The following STAG3 variants were observed in gnomAD, a reference collection of about 807,000 sequenced individuals.
The protein encoded by STAG3 is cohesin subunit SA-3.
In STAG3, 101 loss-of-function variants were observed where a neutral mutation model predicts 160.7. The observed-to-expected ratio is 0.63, with a 90% CI of 0.54 to 0.74. STAG3 has a LOEUF of 0.74. STAG3 is among the 30% of genes least tolerant of loss of function. STAG3 has a pLI of 0.00. For synonymous variants in STAG3, 519 were observed against 585.0 expected, an observed-to-expected ratio of 0.89 and a Z score of 1.63; for missense variants, 1,188 against 1,517.4, an observed-to-expected ratio of 0.78 and a Z score of 3.61.
chr7:100,212,054 T>C, intron 32 of STAG3, 178 bp downstream of exon 32: 1 of 548,402 alleles, frequency 1.8e-6, no homozygotes, highest in Non-Finnish European at 3.2e-6. Flanking sequence ...TCTACTTTTA[T>C]TAAAGAATAA....
Position 100,197,768 on chromosome 7 carries a change from T to C in STAG3, c.1066-10T>C, listed in dbSNP as rs1280349528. 6.2e-7 allele frequency: 1 copy of C among 1,611,228 alleles called. No homozygotes were observed. Among genetic ancestry groups the C allele is most frequent in the Non-Finnish European group, 8.5e-7 (1 of 1,177,576 alleles). On this transcript the variant is annotated splice_polypyrimidine_tract_variant and intron_variant, in intron 10 of 33. Coordinates refer to ENST00000615138, the MANE Select transcript of STAG3 (RefSeq NM_001282717.2). ...TTATTTCCATTCTCCTGGTTTTCCC[T>C]CCTCACCAGCACCGAGAAGTCCGCC...
chr7:100,182,856 C>G lies in STAG3; in HGVS notation c.336+17C>G, dbSNP rs1799739662. Reference sequence around the variant, plus strand: ...GACATGCAGGTAAAGCAGTGTCTCACCTCTGTTGATACCATCTCACTTTTT... The same window carrying G: ...GACATGCAGGTAAAGCAGTGTCTCAGCTCTGTTGATACCATCTCACTTTTT... On this transcript the variant is annotated intron_variant, in intron 4 of 33. Coordinates refer to ENST00000615138, the MANE Select transcript of STAG3 (RefSeq NM_001282717.2). The G allele has an allele frequency of 6.2e-7, 1 of 1,613,610 alleles. No homozygotes were observed. The highest frequency in any genetic ancestry group is 2.2e-5 in the East Asian group (1 of 44,886).
At chr7:100,202,623 G>C (rs758477231) in intron 25 of STAG3, 33 bp downstream of exon 25, 55 of 1,598,984 alleles carry the variant, frequency 3.4e-5, no homozygotes, top group Non-Finnish European at 4.6e-5. Flanking sequence ...TAAAAGAGAA[G>C]GGAGCAAGTT....
chr7:100,184,469 T>TTTG (rs1319307799), intron 4 of STAG3, among the ~76,000 whole-genome samples: 1 of 138,086 alleles, frequency 7.2e-6, no homozygotes, highest in Non-Finnish European at 1.6e-5. Context: ...GTTAGTTTTT[T>TTTG]TTTTTTTTTT....
chr7:100,216,583 G>A (rs1226860236), downstream of STAG3, among the ~76,000 whole-genome samples: 9 of 151,982 alleles, frequency 5.9e-5, no homozygotes, highest in South Asian at 4.2e-4. Context: ...GGCAGATCAC[G>A]AGGTCAAGAG....
chr7:100,189,006 C>T lies in STAG3; in HGVS notation c.705C>T (p.Ser235=). The change falls in exon 7 of 34, where the codon AGC becomes AGT. Residue 235 remains serine, a synonymous_variant. Transcript: ENST00000615138. ...AAGTCCGCGCCTTCCGTCACACTAG[C>T]ACCCTGGCTGGTGAGCATTCATTTT... The part of the protein sequence containing the change: ...DSQVRAFRHT[S]TLAAMKLMTS... 1.2e-6 allele frequency: 2 copies of T among 1,614,192 alleles called. No homozygotes were observed. Among genetic ancestry groups the T allele is most frequent in the Non-Finnish European group, 1.7e-6 (2 of 1,180,046 alleles).
Position 100,204,759 on chromosome 7 carries a change from G to T in STAG3, c.2935G>T (p.Val979Leu). 6.2e-7 allele frequency: 1 copy of T among 1,613,660 alleles called. No individual in the cohort carries two copies. The highest frequency in any genetic ancestry group is 8.5e-7 in the Non-Finnish European group (1 of 1,179,896). ...GPQQLQNRDL[V>L]VMLHKEGIQF... ...CCAGCAGCTGCAGAACCGTGACCTC[G>T]TGGTCATGCTACACAAGTAGGAAGT... The change falls in exon 27 of 34, where the codon GTG becomes TTG. Residue 979 changes from valine (V) to leucine (L), a missense_variant. Coordinates refer to ENST00000615138, the MANE Select transcript of STAG3 (RefSeq NM_001282717.2).
chr7:100,200,158 T>C, intron 16 of STAG3, 78 bp from the exon 17 acceptor site: 1 of 1,042,692 alleles, frequency 9.6e-7, no homozygotes, highest in East Asian at 2.6e-5. Flanking sequence ...GATAAGGTCA[T>C]GGGGAGGAGG....
At chr7:100,211,322 GT>G in intron 30 of STAG3, 112 bp from the exon 31 acceptor site, 1 of 1,481,302 alleles carries the variant, frequency 6.8e-7, no homozygotes, top group South Asian at 1.2e-5. Context: ...CTTCTCCATT[GT>G]TTAGCTTTAA....
intron 29 of STAG3, among the ~76,000 whole-genome samples, chr7:100,210,048 C>CATG (rs1271949733): frequency 2.0e-5 from 3 of 152,138 alleles, no homozygotes; most frequent in Non-Finnish European, 4.4e-5. Context: ...TATTTAAGGA[C>CATG]ATGAACGTGA....
At chr7:100,205,718 T>C (rs570666340) in intron 29 of STAG3, among the ~76,000 whole-genome samples, 199 of 151,444 alleles carry the variant, frequency 1.3e-3, no homozygotes, top group African/African-American at 4.7e-3. Context: ...TAATCCCAAC[T>C]ACTCAGGAGG....
At chr7:100,194,938 T>C (rs1800582497) in intron 8 of STAG3, among the ~76,000 whole-genome samples, 1 of 152,194 alleles carries the variant, frequency 6.6e-6, no homozygotes, top group Admixed American at 6.5e-5. Context: ...AAAATGGCAC[T>C]GATAGGTATG....
At chr7:100,199,442 C>T in intron 15 of STAG3, 75 bp downstream of exon 15, 1 of 1,552,788 alleles carries the variant, frequency 6.4e-7, no homozygotes, top group Non-Finnish European at 8.9e-7. Flanking sequence ...GCTTGCTTCA[C>T]TTGTACAAGG....
chr7:100,182,675 A>T (rs746579506), intron 3 of STAG3, 48 bp from the exon 4 acceptor site: 1 of 1,599,512 alleles, frequency 6.3e-7, no homozygotes, highest in East Asian at 2.2e-5. Flanking sequence ...TGTCACTGTT[A>T]CCTTTTTTGT....
chr7:100,199,376 C>A lies in STAG3; in HGVS notation c.1573+9C>A. On this transcript the variant is annotated intron_variant, in intron 15 of 33. Transcript: ENST00000615138. Reference sequence around the variant, plus strand: ...GCTGGAGAAGGACCAGAGTACGTGTCACACGGAGCCAGGGACAGGGACCTT... The same window carrying A: ...GCTGGAGAAGGACCAGAGTACGTGTAACACGGAGCCAGGGACAGGGACCTT... 6.2e-7 allele frequency: 1 copy of A among 1,610,866 alleles called. No individual in the cohort carries two copies. Among genetic ancestry groups the A allele is most frequent in the South Asian group, 1.1e-5 (1 of 90,996 alleles).
chr7:100,194,714 G>A (rs944577874), intron 8 of STAG3, among the ~76,000 whole-genome samples: 51 of 152,170 alleles, frequency 3.4e-4, no homozygotes, highest in African/African-American at 1.1e-3. Context: ...AGGATTGCTC[G>A]AGTCCAGGAG....
At chr7:100,186,006 C>T (rs1184249401) in intron 4 of STAG3, among the ~76,000 whole-genome samples, 194 bp from the exon 5 acceptor site, 18 of 152,202 alleles carry the variant, frequency 1.2e-4, no homozygotes, top group Admixed American at 1.0e-3. Flanking sequence ...GTTTGTTTAC[C>T]TCCCAGGGTT....
At chr7:100,204,208 C>A in intron 26 of STAG3, 86 bp downstream of exon 26, 1 of 1,037,002 alleles carries the variant, frequency 9.6e-7, no homozygotes, top group Non-Finnish European at 1.5e-6. Context: ...TAAGATCCTT[C>A]AGAGCAGTAA....
chr7:100,184,228 G>A (rs1401516346), intron 4 of STAG3, among the ~76,000 whole-genome samples: 3 of 151,380 alleles, frequency 2.0e-5, no homozygotes, highest in African/African-American at 4.9e-5. Flanking sequence ...ATTGTGCCAC[G>A]GCACTCCAGC....
Sources: gnomAD v4.1 joint callset for allele counts (sites outside exome capture counted in the v4.1 genomes callset) on GRCh38, gnomAD v4.1.1 for gene constraint, MANE v1.5 for transcripts, NCBI Gene and HGNC (gene_info 2026-07-23, HGNC 2026-07-21) for gene names.